RP1: variants seen among roughly 807,000 people sequenced by gnomAD.
RP1 encodes the protein oxygen-regulated protein 1.
In RP1, 16 loss-of-function variants were observed where a neutral mutation model predicts 14.8. The observed-to-expected ratio is 1.08, with a 90% CI of 0.73 to 1.65. The LOEUF (loss-of-function observed/expected upper bound fraction) is 1.65. Ranked by LOEUF, RP1 falls within the 40% of genes most tolerant of loss-of-function variation. The probability of loss-of-function intolerance (pLI) is 0.00; values close to 1 mark genes in which losing one functional copy is unlikely to be tolerated. For missense variants in RP1, 2,631 were observed against 2,535.0 expected, an observed-to-expected ratio of 1.04 and a Z score of -0.81; for synonymous variants, 876 against 883.6, an observed-to-expected ratio of 0.99 and a Z score of 0.15.
rs1563333216 is a variant in RP1 at position 54,629,438 on chromosome 8, AGAG to A, written c.5560_5562del (p.Glu1854del). 8 of 1,614,196 alleles carry A rather than the reference AGAG, an allele frequency of 5.0e-6. No individual in the cohort carries two copies. In the South Asian group the frequency reaches 8.8e-5, roughly 18 times the overall value. The stretch of plus-strand genomic sequence containing the variant: ...AGGAAAGAATAGCAAATCATCATAC[AGAG>A]GAGAAGGGTAGTCATCAGTCAGAAA... On this transcript the variant is annotated inframe_deletion, in exon 4 of 4. Transcript: ENST00000220676.
chr8:54,870,670 T>C (rs919086866), exon 29 of RP1: 1 of 152,190 alleles, frequency 6.6e-6, no homozygotes, highest in African/African-American at 2.4e-5. Context: ...GGTGCCTTCT[T>C]CTAATCCGTT....
chr8:54,723,238 C>A (rs1808575059), intron 16 of RP1, among the ~76,000 whole-genome samples: 1 of 152,202 alleles, frequency 6.6e-6, no homozygotes, highest in African/African-American at 2.4e-5. Context: ...TCAGCAAGTG[C>A]TGTGCAAGTA....
At chr8:54,604,570 A>T (rs1355854739) in intron 1 of RP1, among the ~76,000 whole-genome samples, 2 of 152,000 alleles carry the variant, frequency 1.3e-5, no homozygotes, top group Admixed American at 6.6e-5. Flanking sequence ...GTTAGGGAGG[A>T]TTCTCTCTTT....
chr8:54,624,306 A>G (rs1805962036), intron 3 of RP1, among the ~76,000 whole-genome samples: 1 of 151,896 alleles, frequency 6.6e-6, no homozygotes, highest in Non-Finnish European at 1.5e-5. Flanking sequence ...TTAGCTGGGC[A>G]TGGTGGTGCG....
intron 22 of RP1, among the ~76,000 whole-genome samples, chr8:54,762,571 C>A (rs1011498292): frequency 6.6e-6 from 1 of 152,130 alleles, no homozygotes; most frequent in African/African-American, 2.4e-5. Context: ...TTGCAGCAAA[C>A]AAAATTTTAT....
rs185210174 is a variant in RP1 at position 54,784,967 on chromosome 8, T to C, written c.3615+1257T>C. Among the ~76,000 whole-genome samples, 574 of 152,188 alleles carry C rather than the reference T, an allele frequency of 3.8e-3. 3 individuals are homozygous for C. Among genetic ancestry groups the C allele is most frequent in the Non-Finnish European group, 6.3e-3 (428 of 67,964 alleles). On this transcript the variant is annotated intron_variant, in intron 24 of 28. Transcript: ENST00000637698. ...TTTCTTTTTAATTGACACATAATTG[T>C]ATATATTTATGGGGTACAGTGTGAT...
chr8:54,747,770 G>A (rs896443413), intron 19 of RP1, among the ~76,000 whole-genome samples: 1 of 152,176 alleles, frequency 6.6e-6, no homozygotes, highest in Non-Finnish European at 1.5e-5. Context: ...GTGTGCTGCA[G>A]TGAGCTGAGA....
intron 24 of RP1, among the ~76,000 whole-genome samples, chr8:54,816,720 A>G (rs1811139732): frequency 6.6e-6 from 1 of 152,178 alleles, no homozygotes; most frequent in African/African-American, 2.4e-5. Flanking sequence ...GAAATCTTTT[A>G]GAAACATAAA....
At chr8:54,699,889 A>T (rs1023561971) in intron 13 of RP1, among the ~76,000 whole-genome samples, 3 of 152,322 alleles carry the variant, frequency 2.0e-5, no homozygotes, top group Admixed American at 2.0e-4. Context: ...TTTTATAGTT[A>T]TACCTTGTGT....
chr8:54,840,441 T>G (rs879422594), intron 25 of RP1, among the ~76,000 whole-genome samples: 11 of 151,930 alleles, frequency 7.2e-5, no homozygotes, highest in Non-Finnish European at 1.0e-4. Flanking sequence ...TTAGTAGAGA[T>G]AGGGTTTCAC....
At chr8:54,737,498 A>C (rs1396661668) in intron 18 of RP1, among the ~76,000 whole-genome samples, 1 of 152,190 alleles carries the variant, frequency 6.6e-6, no homozygotes, top group Non-Finnish European at 1.5e-5. Flanking sequence ...TTTTAGAGAC[A>C]AACTAGCCTC....
At chr8:54,835,158 A>G (rs2036618432) in intron 24 of RP1, among the ~76,000 whole-genome samples, 1 of 152,188 alleles carries the variant, frequency 6.6e-6, no homozygotes, top group Non-Finnish European at 1.5e-5. Context: ...AACCAAAAAC[A>G]GTTATATGCA....
At chr8:54,696,190 T>G (rs538571393) in intron 12 of RP1, among the ~76,000 whole-genome samples, 14 of 152,252 alleles carry the variant, frequency 9.2e-5, no homozygotes, top group South Asian at 6.2e-4. Flanking sequence ...TATACACATA[T>G]AGTAAAGCAG....
chr8:54,628,437 A>G lies in RP1; in HGVS notation c.4555A>G (p.Arg1519Gly). ...ISSKNIMEEK[R>G]MNGIIYEIIS... is the part of the protein sequence containing the mutation. ...TAGTAAGAATATTATGGAAGAAAAA[A>G]GAATGAACGGTATAATTTATGAAAT... is the stretch of plus-strand genomic sequence containing the variant. The change falls in exon 4 of 4, where the codon AGA becomes GGA. Residue 1519 changes from arginine to glycine, a missense_variant. Transcript: ENST00000220676. The G allele has an allele frequency of 6.2e-7, 1 of 1,613,564 alleles. No homozygotes were observed. Among genetic ancestry groups the G allele is most frequent in the South Asian group, 1.1e-5 (1 of 91,014 alleles).
Position 54,621,094 on chromosome 8 carries a change from G to T in RP1, c.128G>T (p.Ser43Ile), listed in dbSNP as rs1257648057. 1 of 1,614,050 alleles carries T rather than the reference G, an allele frequency of 6.2e-7. No individual in the cohort carries two copies. The highest frequency in any genetic ancestry group is 8.5e-7 in the Non-Finnish European group (1 of 1,180,036). Residue 43 changes from serine to isoleucine, a missense_variant, in exon 2 of 4, where the codon AGC (serine) becomes ATC (isoleucine). Ser to Ile is a moderately radical substitution (Grantham distance 142). Transcript: ENST00000220676. ...GCCAAGCGAATCAGTTTCTACAAGA[G>T]CGGAGACCCCCAATTCGGCGGGGTC... ...VVAKRISFYK[S>I]GDPQFGGVRV...
chr8:54,611,587 A>G (rs1805593281), upstream of RP1, among the ~76,000 whole-genome samples: 1 of 151,888 alleles, frequency 6.6e-6, no homozygotes, highest in African/African-American at 2.4e-5. Flanking sequence ...TTTTGTTCAT[A>G]CATCTCATTT....
At chr8:54,560,083 A>T (rs1045347909) in intron 1 of RP1, among the ~76,000 whole-genome samples, 2 of 152,182 alleles carry the variant, frequency 1.3e-5, no homozygotes, top group Admixed American at 1.3e-4. Context: ...GCTTCAGGGC[A>T]TCATGGCAGG....
chr8:54,761,589 G>A (rs13277510), intron 22 of RP1, among the ~76,000 whole-genome samples: 45,052 of 151,934 alleles, frequency 0.3, 7,101 homozygotes, highest in East Asian at 0.5. Flanking sequence ...TCCTTTGGAA[G>A]GAAGGAGCAT....
Position 54,628,694 on chromosome 8 carries a change from T to C in RP1, c.4812T>C (p.Tyr1604=), listed in dbSNP as rs1248796772. 1.2e-6 allele frequency: 2 copies of C among 1,614,080 alleles called. No individual in the cohort carries two copies. The highest frequency in any genetic ancestry group is 3.3e-5 in the Admixed American group (2 of 60,024). ...CTGACAGTGACAGTGAGCAGCCATA[T>C]AAAACATCCAGTGATGATCCCAATG... ...YRPDSDSEQP[Y]KTSSDDPNDS... The change falls in exon 4 of 4, where the codon TAT becomes TAC. Residue 1604 remains tyrosine, a synonymous_variant. Coordinates refer to ENST00000220676, the MANE Select transcript of RP1 (RefSeq NM_006269.2).
Sources: allele counts gnomAD v4.1 joint callset (sites outside exome capture counted in the v4.1 genomes callset), GRCh38; gene constraint gnomAD v4.1.1; transcripts MANE v1.5; gene names NCBI Gene and HGNC (gene_info 2026-07-23, HGNC 2026-07-21).